NPLOC4: variants seen among roughly 807,000 people sequenced by gnomAD.
NPLOC4 encodes nuclear protein localization protein 4 homolog.
In NPLOC4, 18 loss-of-function variants were observed where a neutral mutation model predicts 80.6. The observed-to-expected ratio is 0.22, with a 90% CI of 0.15 to 0.33. The LOEUF (loss-of-function observed/expected upper bound fraction) is 0.33, where lower values mean the gene tolerates loss of function less well. Among genes scored for constraint, NPLOC4 ranks in the 10% least tolerant of loss-of-function variants. The pLI is 1.00. For missense variants in NPLOC4, 540 were observed against 786.1 expected (o/e 0.69, Z 3.74); for synonymous variants, 313 against 301.5 (o/e 1.04, Z -0.39).
Position 81,574,074 on chromosome 17 carries a change from G to A in NPLOC4, c.1282-1986C>T, listed in dbSNP as rs533955376. 1.3e-4 allele frequency among the ~76,000 whole-genome samples: 20 copies of A among 152,316 alleles called. 1 individual carries two copies. The highest frequency in any genetic ancestry group is 6.5e-4 in the Admixed American group (10 of 15,296). ...TTTCTCAATGGAGATTTGGTAGGAG[G>A]CAAAAATCAAATCCAGTCAAACTAA... On this transcript the variant is annotated intron_variant, in intron 12 of 16. Transcript: ENST00000331134.
At chr17:81,626,063 C>T (rs1257837340) in intron 2 of NPLOC4, among the ~76,000 whole-genome samples, 2 of 151,284 alleles carry the variant, frequency 1.3e-5, no homozygotes, top group Non-Finnish European at 2.9e-5. Flanking sequence ...ACAGGAGAAT[C>T]GCTTGAACCT....
intron 7 of NPLOC4, among the ~76,000 whole-genome samples, chr17:81,605,045 G>T (rs998608351): frequency 2.7e-5 from 4 of 150,466 alleles, no homozygotes; most frequent in African/African-American, 4.9e-5. Context: ...CGGATCATGA[G>T]GTCAGGAGAT....
intron 3 of NPLOC4, 39 bp from the exon 4 acceptor site, chr17:81,613,533 C>A: frequency 6.4e-7 from 1 of 1,573,662 alleles, no homozygotes; most frequent in Admixed American, 1.9e-5. Context: ...CCTTCCCTTA[C>A]CACCTGAGCT....
At chr17:81,586,996 A>G (rs751146469) in intron 12 of NPLOC4, among the ~76,000 whole-genome samples, 1 of 152,220 alleles carries the variant, frequency 6.6e-6, no homozygotes, top group African/African-American at 2.4e-5. Flanking sequence ...CTTGTGATAC[A>G]CAATGAGCAG....
At chr17:81,623,027 TC>T (rs2144302722) in intron 2 of NPLOC4, among the ~76,000 whole-genome samples, 1 of 151,776 alleles carries the variant, frequency 6.6e-6, no homozygotes, top group South Asian at 2.1e-4. Context: ...AATCCCCGTT[TC>T]TACTAAAACT....
intron 2 of NPLOC4, among the ~76,000 whole-genome samples, chr17:81,629,387 AC>A (rs1658338136): frequency 1.3e-5 from 2 of 151,620 alleles, no homozygotes; most frequent in Admixed American, 6.6e-5. Context: ...ACGGGGTTTC[AC>A]CATCTTGGCC....
At chr17:81,563,454 T>C (rs1463659070) in intron 16 of NPLOC4, 1 of 157,188 alleles carries the variant, frequency 6.4e-6, no homozygotes, top group Non-Finnish European at 1.4e-5. Flanking sequence ...TTTATACTCC[T>C]AGGTACTCCG....
intron 3 of NPLOC4, among the ~76,000 whole-genome samples, chr17:81,613,812 C>T (rs1184682779): frequency 1.3e-5 from 2 of 152,106 alleles, no homozygotes; most frequent in Non-Finnish European, 2.9e-5. Context: ...CCTCTCCTCC[C>T]GCCTCTCACC....
chr17:81,562,161 C>T (rs62073394), intron 16 of NPLOC4: 12,627 of 152,166 alleles, frequency 0.083, 596 homozygotes, highest in Middle Eastern at 0.17. Flanking sequence ...GAACCCAGGA[C>T]GTGGAGGTTG....
At chr17:81,605,132 A>C (rs1472385386) in intron 7 of NPLOC4, among the ~76,000 whole-genome samples, 2 of 151,964 alleles carry the variant, frequency 1.3e-5, no homozygotes, top group Non-Finnish European at 2.9e-5. Flanking sequence ...AAAATTAGCC[A>C]GAGCCAGGCG....
chr17:81,614,567 G>C (rs973063837), intron 3 of NPLOC4, among the ~76,000 whole-genome samples: 2 of 97,132 alleles, frequency 2.1e-5, no homozygotes, highest in African/African-American at 9.9e-5. Flanking sequence ...TCAGACTTAA[G>C]GGTTTCTGCT....
At chr17:81,600,793 C>A (rs571877170) in intron 8 of NPLOC4, among the ~76,000 whole-genome samples, 1 of 152,154 alleles carries the variant, frequency 6.6e-6, no homozygotes, top group African/African-American at 2.4e-5. Context: ...GGATAAGTAG[C>A]TTCACTCCAA....
rs534301245 is a variant in NPLOC4, at chr17:81,589,510, C to G, written c.1121-406G>C. On this transcript the variant is annotated intron_variant, in intron 11 of 16. Coordinates refer to ENST00000331134, the MANE Select transcript of NPLOC4 (RefSeq NM_017921.4). ...CCGAGATTGTGCCGCTGCACTCCAG[C>G]CTGGGTGACAGACTCCATCTCAAAA... Among the ~76,000 whole-genome samples the G allele has an allele frequency of 2.4e-3, 368 of 150,472 alleles. 8 individuals carry two copies. Among genetic ancestry groups the G allele is most frequent in the African/African-American group, 8.8e-3 (359 of 40,858 alleles).
At chr17:81,634,860 G>A (rs187947149) in intron 1 of NPLOC4, among the ~76,000 whole-genome samples, 2 of 152,166 alleles carry the variant, frequency 1.3e-5, no homozygotes, top group East Asian at 1.9e-4. Flanking sequence ...TGGGATTACA[G>A]GCGTGAGCCA....
intron 7 of NPLOC4, among the ~76,000 whole-genome samples, chr17:81,605,036 G>A (rs1217649850): frequency 2.0e-5 from 3 of 151,966 alleles, no homozygotes; most frequent in Admixed American, 6.6e-5. Flanking sequence ...CAAGGCGGGC[G>A]GATCATGAGG....
intron 9 of NPLOC4, among the ~76,000 whole-genome samples, chr17:81,598,809 A>G (rs2034989644): frequency 6.6e-6 from 1 of 152,150 alleles, no homozygotes; most frequent in East Asian, 1.9e-4. Flanking sequence ...TACCTGACAC[A>G]CAACTCTTCC....
chr17:81,626,986 A>AG (rs2035811181), intron 2 of NPLOC4, among the ~76,000 whole-genome samples: 1 of 151,874 alleles, frequency 6.6e-6, no homozygotes, highest in Middle Eastern at 3.2e-3. Flanking sequence ...GCTACTCGGG[A>AG]GGCTGAGGCA....
rs2033738292 is a variant in NPLOC4 at position 81,558,825 on chromosome 17, G to C, written c.*434C>G. ...TGCCTGCCACCAAGCAGTCAGACAA[G>C]GGGGTAACCAAGAGCTCCCAGCCAG... On this transcript the variant is annotated 3_prime_UTR_variant, in exon 17 of 17. Coordinates refer to ENST00000331134, the MANE Select transcript of NPLOC4 (RefSeq NM_017921.4). 6.4e-6 allele frequency: 1 copy of C among 155,106 alleles called. No individual in the cohort carries two copies. Among genetic ancestry groups the C allele is most frequent in the Admixed American group, 6.4e-5 (1 of 15,506 alleles). The allele number at this position is 155,106 out of a possible 1,614,324, so 9.6% of individuals were successfully genotyped here. A position where few individuals can be genotyped will look rare whatever the true frequency, so the allele number is the denominator to read the frequency against.
At chr17:81,589,174 T>G in intron 11 of NPLOC4, 70 bp from the exon 12 acceptor site, 15 of 1,327,912 alleles carry the variant, frequency 1.1e-5, no homozygotes, top group Non-Finnish European at 1.2e-5. Flanking sequence ...CTGTTAACTC[T>G]TCACCTCTGA....
Sources: allele counts gnomAD v4.1 joint callset (sites outside exome capture counted in the v4.1 genomes callset), GRCh38; gene constraint gnomAD v4.1.1; transcripts MANE v1.5; gene names NCBI Gene and HGNC (gene_info 2026-07-23, HGNC 2026-07-21).